The following EDIL3 variants were observed in gnomAD, a reference collection of about 807,000 sequenced individuals.
EDIL3 encodes the protein EGF-like repeat and discoidin I-like domain-containing protein 3.
EDIL3 carries 37 observed loss-of-function variants against 67.4 expected under a neutral mutation model. That is an observed-to-expected ratio of 0.55 (90% CI 0.42 to 0.72). The LOEUF (loss-of-function observed/expected upper bound fraction) is 0.72. Ranked by LOEUF, EDIL3 falls within the 30% of genes least tolerant of loss-of-function variation. The pLI, the probability that EDIL3 is intolerant of heterozygous loss-of-function variation, is 0.00. For missense variants in EDIL3, 527 were observed against 586.3 expected, an observed-to-expected ratio of 0.90 and a Z score of 1.04; for synonymous variants, 195 against 196.3, an observed-to-expected ratio of 0.99 and a Z score of 0.05.
At chr5:84,257,374 TCTC>T (rs1392062880) in intron 1 of EDIL3, among the ~76,000 whole-genome samples, 1 of 152,220 alleles carries the variant, frequency 6.6e-6, no homozygotes, top group African/African-American at 2.4e-5. Context: ...TTTTCTCTCT[TCTC>T]CTTGTAATTT....
At chr5:84,210,387 T>C (rs1388274997) in intron 3 of EDIL3, among the ~76,000 whole-genome samples, 2 of 152,146 alleles carry the variant, frequency 1.3e-5, no homozygotes, top group Non-Finnish European at 2.9e-5. Context: ...ATATATTTTA[T>C]TGCTTTTATA....
chr5:84,173,322 G>A (rs779501888), intron 4 of EDIL3, among the ~76,000 whole-genome samples: 1 of 152,122 alleles, frequency 6.6e-6, no homozygotes, highest in Admixed American at 6.5e-5. Flanking sequence ...AGCCATAGAG[G>A]CTGAGCTCAT....
intron 6 of EDIL3, among the ~76,000 whole-genome samples, chr5:84,083,544 A>G (rs1375989416): frequency 6.6e-6 from 1 of 152,154 alleles, no homozygotes; most frequent in East Asian, 1.9e-4. Flanking sequence ...TGTCTTCTGA[A>G]AACCAGGCTT....
chr5:84,315,752 A>T (rs1212742768), intron 1 of EDIL3, among the ~76,000 whole-genome samples: 2 of 152,188 alleles, frequency 1.3e-5, no homozygotes, highest in Non-Finnish European at 2.9e-5. Context: ...TTCAGGAAAT[A>T]CAGAGAACAC....
Position 84,060,480 on chromosome 5 carries a change from A to G in EDIL3, c.957T>C (p.Cys319=). 1 of 1,613,280 alleles carries G rather than the reference A, an allele frequency of 6.2e-7. No homozygotes were observed. Among genetic ancestry groups the G allele is most frequent in the Non-Finnish European group, 8.5e-7 (1 of 1,179,650 alleles). ...MELLGCELSG[C]SEPLGMKSGH... ...CTGATTTCATACCCAGAGGCTCAGA[A>G]CAACCTGAAAGAAAATGAGAAGGGC... Residue 319 remains cysteine (C), a synonymous_variant, in exon 9 of 11, where the codon TGT becomes TGC. Coordinates refer to ENST00000296591, the MANE Select transcript of EDIL3 (RefSeq NM_005711.5).
At chr5:84,039,121 A>C (rs1462160631) in intron 9 of EDIL3, among the ~76,000 whole-genome samples, 5 of 141,438 alleles carry the variant, frequency 3.5e-5, no homozygotes, top group Non-Finnish European at 7.5e-5. Context: ...TTTTTTTTTT[A>C]ATTATATGAA....
intron 1 of EDIL3, among the ~76,000 whole-genome samples, chr5:84,314,703 A>G (rs550054080): frequency 3.9e-4 from 59 of 152,168 alleles, no homozygotes; most frequent in Non-Finnish European, 7.9e-4. Flanking sequence ...TTTAAAATAT[A>G]ATTTTTCTAA....
chr5:84,035,447 T>C (rs905386980), intron 9 of EDIL3, among the ~76,000 whole-genome samples: 12 of 152,168 alleles, frequency 7.9e-5, no homozygotes, highest in Admixed American at 3.3e-4. Flanking sequence ...TGGTGATCCC[T>C]TAAAATTAGA....
At chr5:84,315,528 G>GT (rs1426148297) in intron 1 of EDIL3, among the ~76,000 whole-genome samples, 19 of 152,162 alleles carry the variant, frequency 1.2e-4, no homozygotes, top group African/African-American at 4.3e-4. Context: ...TGATTTTAGC[G>GT]TATCAGTGAA....
intron 6 of EDIL3, among the ~76,000 whole-genome samples, chr5:84,096,244 T>TC (rs1554067602): frequency 6.6e-6 from 1 of 151,868 alleles, no homozygotes; most frequent in Non-Finnish European, 1.5e-5. Flanking sequence ...AAATGGTAGA[T>TC]CCCCCAACAG....
At chr5:84,298,745 A>G (rs1031517711) in intron 1 of EDIL3, among the ~76,000 whole-genome samples, 2 of 152,206 alleles carry the variant, frequency 1.3e-5, no homozygotes, top group African/African-American at 4.8e-5. Context: ...TTATTGTGAA[A>G]GCGATGTCAC....
chr5:83,986,190 C>T (rs1338645489), intron 9 of EDIL3, among the ~76,000 whole-genome samples: 3 of 151,972 alleles, frequency 2.0e-5, no homozygotes, highest in South Asian at 2.1e-4. Context: ...AAAGCAATAG[C>T]TAGTTTAAAA....
chr5:84,219,136 A>C (rs1008606636), intron 3 of EDIL3, among the ~76,000 whole-genome samples: 2 of 152,136 alleles, frequency 1.3e-5, no homozygotes, highest in African/African-American at 4.8e-5. Flanking sequence ...CCCCTCCCCC[A>C]GCTCCAGGCA....
chr5:84,213,804 G>T (rs921794516), intron 3 of EDIL3, among the ~76,000 whole-genome samples: 1 of 152,060 alleles, frequency 6.6e-6, no homozygotes. Context: ...TTACTTAAAG[G>T]TTTAAAAAAT....
chr5:84,182,720 G>A (rs559650564), intron 3 of EDIL3, among the ~76,000 whole-genome samples: 22 of 152,178 alleles, frequency 1.4e-4, no homozygotes, highest in Admixed American at 5.2e-4. Flanking sequence ...CATGGAACAG[G>A]AAACAATGTG....
intron 3 of EDIL3, among the ~76,000 whole-genome samples, chr5:84,208,649 G>A (rs1258816883): frequency 3.2e-5 from 4 of 125,004 alleles, no homozygotes; most frequent in South Asian, 2.6e-4. Flanking sequence ...ACTGCAGTCC[G>A]CAGTCCGGCC....
intron 5 of EDIL3, among the ~76,000 whole-genome samples, chr5:84,117,096 C>T (rs1355434511): frequency 7.6e-6 from 1 of 132,008 alleles, no homozygotes; most frequent in African/African-American, 3.0e-5. Context: ...GGCGCAATCT[C>T]GGCTCACTGC....
chr5:84,157,931 G>A (rs1015301141), intron 4 of EDIL3, among the ~76,000 whole-genome samples: 3 of 152,036 alleles, frequency 2.0e-5, no homozygotes, highest in Admixed American at 6.6e-5. Flanking sequence ...GGTGCCAATC[G>A]AAGGAGATTT....
intron 6 of EDIL3, among the ~76,000 whole-genome samples, chr5:84,080,819 T>C (rs1746952709): frequency 1.3e-5 from 2 of 152,176 alleles, no homozygotes; most frequent in South Asian, 4.1e-4. Context: ...CTAAGAAACA[T>C]AGTATGGAAT....
Sources: allele counts gnomAD v4.1 joint callset (sites outside exome capture counted in the v4.1 genomes callset), GRCh38; gene constraint gnomAD v4.1.1; transcripts MANE v1.5; gene names NCBI Gene and HGNC (gene_info 2026-07-23, HGNC 2026-07-21).